CCDC169: variants seen among roughly 807,000 people sequenced by gnomAD.
The protein encoded by CCDC169 is coiled-coil domain containing 169, also known as coiled-coil domain-containing protein 169.
In CCDC169, 30 loss-of-function variants were observed where a neutral mutation model predicts 36.0. The ratio of observed to expected loss-of-function variants is 0.83; its 90% CI spans 0.62 to 1.13. The LOEUF (loss-of-function observed/expected upper bound fraction) is 1.13. Among genes scored for constraint, CCDC169 ranks in the 50% most tolerant of loss-of-function variants. CCDC169 has a pLI of 0.00. For synonymous variants in CCDC169, 85 were observed against 81.5 expected (o/e 1.04, Z -0.23); for missense variants, 245 against 245.9 (o/e 1.00, Z 0.03).
At chr13:36,227,959 A>T (rs1870033247), downstream of CCDC169, among the ~76,000 whole-genome samples, 1 of 152,198 alleles carries the variant, frequency 6.6e-6, no homozygotes, top group Non-Finnish European at 1.5e-5. Flanking sequence ...ACTTAGGATA[A>T]TGTTTCCAAG....
chr13:36,229,315 C>G (rs1870169039), downstream of CCDC169, among the ~76,000 whole-genome samples: 2 of 152,076 alleles, frequency 1.3e-5, no homozygotes, highest in Admixed American at 1.3e-4. Context: ...TTCCATCATT[C>G]TGTTTAATAC....
At chr13:36,279,994 T>A (rs1336251225) in intron 4 of CCDC169, 1 of 152,138 alleles carries the variant, frequency 6.6e-6, no homozygotes, top group African/African-American at 2.4e-5. Flanking sequence ...CTAATTTACG[T>A]AATTCATGAT....
intron 4 of CCDC169, among the ~76,000 whole-genome samples, chr13:36,257,428 G>A (rs1046524980): frequency 3.3e-5 from 5 of 152,182 alleles, no homozygotes; most frequent in Non-Finnish European, 7.3e-5. Context: ...TCTACCGGCT[G>A]GGCGTGGTGG....
intron 7 of CCDC169, 152 bp downstream of exon 7, chr13:36,248,454 A>T: frequency 1.6e-6 from 1 of 624,986 alleles, no homozygotes; most frequent in Middle Eastern, 4.3e-4. Context: ...AACAGATCAC[A>T]ACTTCTTTAA....
chr13:36,295,905 A>T, intron 1 of CCDC169, 48 bp from the exon 2 acceptor site: 1 of 1,096,644 alleles, frequency 9.1e-7, no homozygotes, highest in Non-Finnish European at 1.3e-6. Context: ...TAAAAATAAC[A>T]TCAGAAAAAT....
chr13:36,246,111 G>A lies in CCDC169; in HGVS notation c.545+2495C>T, dbSNP rs1057440689. Among the ~76,000 whole-genome samples, 5 of 152,286 alleles carry A rather than the reference G, an allele frequency of 3.3e-5. No homozygotes were observed. In the South Asian group the frequency reaches 6.2e-4, roughly 19 times the overall value. On this transcript the variant is annotated intron_variant, in intron 7 of 7. Coordinates refer to ENST00000239859, the MANE Select transcript of CCDC169 (RefSeq NM_001144981.3). Reference sequence around the variant, plus strand: ...CTCTCTTTGGGCTTCTCTATTCATTGAGACACAACACTATTGAAATTAGGC... The same window carrying A: ...CTCTCTTTGGGCTTCTCTATTCATTAAGACACAACACTATTGAAATTAGGC...
intron 4 of CCDC169, chr13:36,282,532 G>A (rs1877663434): frequency 6.1e-6 from 6 of 985,216 alleles, no homozygotes; most frequent in Non-Finnish European, 7.2e-6. Flanking sequence ...CACCTGTCCA[G>A]AGAATAGAGA....
chr13:36,238,089 A>G (rs2322991), intron 7 of CCDC169, among the ~76,000 whole-genome samples: 61,579 of 151,980 alleles, frequency 0.41, 13,247 homozygotes, highest in Non-Finnish European at 0.48. Flanking sequence ...AAACCATAAA[A>G]ACAGAAAGCA....
intron 4 of CCDC169, among the ~76,000 whole-genome samples, chr13:36,275,145 G>A (rs541085974): frequency 3.3e-5 from 5 of 152,062 alleles, no homozygotes. Flanking sequence ...GGGATTACAG[G>A]CGTGAGCCAC....
chr13:36,288,701 C>T (rs1878532991), intron 2 of CCDC169, among the ~76,000 whole-genome samples: 1 of 151,938 alleles, frequency 6.6e-6, no homozygotes, highest in South Asian at 2.1e-4. Flanking sequence ...GTTGTGTTCT[C>T]ATTTTTTAAA....
At chr13:36,236,277 G>A (rs949519183) in intron 7 of CCDC169, among the ~76,000 whole-genome samples, 2 of 152,092 alleles carry the variant, frequency 1.3e-5, no homozygotes, top group African/African-American at 4.8e-5. Context: ...CATCCAGACA[G>A]TATGGTATTG....
intron 4 of CCDC169, among the ~76,000 whole-genome samples, chr13:36,266,473 A>G (rs1483516727): frequency 6.6e-6 from 1 of 152,120 alleles, no homozygotes; most frequent in Non-Finnish European, 1.5e-5. Context: ...ATCCCTGGTC[A>G]TCCCTATCAG....
At chr13:36,289,862 A>G (rs369455218) in intron 2 of CCDC169, among the ~76,000 whole-genome samples, 1 of 152,194 alleles carries the variant, frequency 6.6e-6, no homozygotes, top group South Asian at 2.1e-4. Context: ...TGAGCCCTTT[A>G]ACATTTTTAA....
In CCDC169 at chr13:36,231,232, C is replaced by CT; in HGVS notation, c.605dup (p.Ile203AspfsTer30). 6.4e-7 allele frequency: 1 copy of CT among 1,551,300 alleles called. No individual in the cohort carries two copies. The highest frequency in any genetic ancestry group is 8.7e-7 in the Non-Finnish European group (1 of 1,146,818). ...CTGGAAGATGGTTTGGTCTTGTAAT[C>CT]TTTTTTACTGGTCCTCTCTTGGCAC... On this transcript the variant is annotated frameshift_variant, in exon 8 of 8. Transcript: ENST00000239859. LOFTEE classifies it high-confidence loss of function.
downstream of CCDC169, among the ~76,000 whole-genome samples, chr13:36,228,257 G>A (rs1463165777): frequency 6.6e-6 from 1 of 152,116 alleles, no homozygotes; most frequent in Non-Finnish European, 1.5e-5. Flanking sequence ...CAAAGTGGCT[G>A]TATCACTTTA....
At chr13:36,290,399 T>C (rs1285142406) in intron 2 of CCDC169, among the ~76,000 whole-genome samples, 1 of 152,254 alleles carries the variant, frequency 6.6e-6, no homozygotes, top group African/African-American at 2.4e-5. Context: ...ATAAGTTTCC[T>C]TTCCTGTAAC....
chr13:36,238,190 C>T (rs1871312354), intron 7 of CCDC169, among the ~76,000 whole-genome samples: 2 of 152,158 alleles, frequency 1.3e-5, no homozygotes, highest in South Asian at 4.1e-4. Flanking sequence ...TGAAAATGTT[C>T]TGGAATCAGT....
intron 4 of CCDC169, among the ~76,000 whole-genome samples, chr13:36,258,834 G>C (rs939852053): frequency 2.0e-5 from 3 of 152,074 alleles, no homozygotes; most frequent in African/African-American, 7.2e-5. Flanking sequence ...CTACGGATTT[G>C]CCTCTAATTC....
intron 7 of CCDC169, among the ~76,000 whole-genome samples, chr13:36,238,819 T>C (rs1304177221): frequency 6.6e-6 from 1 of 152,160 alleles, no homozygotes; most frequent in Non-Finnish European, 1.5e-5. Flanking sequence ...GAGCAGTGTT[T>C]TCCAAACTGC....
Sources: gnomAD v4.1 joint callset for allele counts (sites outside exome capture counted in the v4.1 genomes callset) on GRCh38, gnomAD v4.1.1 for gene constraint, MANE v1.5 for transcripts, NCBI Gene and HGNC (gene_info 2026-07-23, HGNC 2026-07-21) for gene names.